STXBP6: variants seen among roughly 807,000 people sequenced by gnomAD.
The protein encoded by STXBP6 is syntaxin binding protein 6, also known as syntaxin-binding protein 6.
In STXBP6, 21 loss-of-function variants were observed where a neutral mutation model predicts 26.9. The observed-to-expected ratio is 0.78, with a 90% CI of 0.55 to 1.12. STXBP6 has a LOEUF of 1.12. STXBP6 is among the 50% of genes most tolerant of loss of function. The pLI is 0.00. For missense variants in STXBP6, 232 were observed against 257.9 expected (o/e 0.90, Z 0.69); for synonymous variants, 97 against 92.6 (o/e 1.05, Z -0.27).
chr14:24,850,630 C>T (rs1318487516), intron 4 of STXBP6, among the ~76,000 whole-genome samples: 3 of 152,122 alleles, frequency 2.0e-5, no homozygotes, highest in East Asian at 3.9e-4. Flanking sequence ...TCCAGCTCAG[C>T]CATCCCCTTA....
intron 2 of STXBP6, among the ~76,000 whole-genome samples, chr14:24,929,773 G>A (rs956017961): frequency 6.6e-6 from 1 of 152,202 alleles, no homozygotes; most frequent in East Asian, 1.9e-4. Context: ...CCTGGGCATC[G>A]CTCAATGAAC....
At chr14:24,848,095 T>C (rs12887071) in intron 4 of STXBP6, among the ~76,000 whole-genome samples, 27,614 of 152,196 alleles carry the variant, frequency 0.18, 3,142 homozygotes, top group Non-Finnish European at 0.27. Context: ...GAAAAGGCTT[T>C]TGATAAATAT....
chr14:24,882,590 C>A (rs1181692154), intron 2 of STXBP6, among the ~76,000 whole-genome samples: 1 of 151,926 alleles, frequency 6.6e-6, no homozygotes, highest in African/African-American at 2.4e-5. Context: ...CTGAACTGAC[C>A]TGTATTCACT....
chr14:24,816,186 G>A (rs2067969449), intron 5 of STXBP6: 1 of 152,192 alleles, frequency 6.6e-6, no homozygotes, highest in South Asian at 2.1e-4. Context: ...ACTCTGCCAT[G>A]TGTTCTGGCC....
intron 2 of STXBP6, among the ~76,000 whole-genome samples, chr14:24,879,250 T>C (rs928752768): frequency 2.0e-5 from 3 of 152,202 alleles, no homozygotes; most frequent in Admixed American, 6.5e-5. Flanking sequence ...CTATGGTCAT[T>C]TGTATCTCCT....
chr14:25,033,064 G>A (rs1003613255), intron 1 of STXBP6, among the ~76,000 whole-genome samples: 1 of 152,122 alleles, frequency 6.6e-6, no homozygotes, highest in African/African-American at 2.4e-5. Context: ...AAAGGTACAT[G>A]AGTGGCTATT....
intron 1 of STXBP6, 50 bp from the exon 2 acceptor site, chr14:24,974,900 G>GTT: frequency 8.2e-7 from 1 of 1,220,180 alleles, no homozygotes. Context: ...ACATTGTAAG[G>GTT]GTTCATACAA....
intron 2 of STXBP6, among the ~76,000 whole-genome samples, chr14:24,883,078 A>C (rs2070433599): frequency 6.6e-6 from 1 of 152,226 alleles, no homozygotes. Context: ...AACAACTATA[A>C]TGCTATAAAA....
At chr14:24,856,796 G>A (rs1266882789) in intron 3 of STXBP6, among the ~76,000 whole-genome samples, 1 of 151,578 alleles carries the variant, frequency 6.6e-6, no homozygotes, top group Non-Finnish European at 1.5e-5. Context: ...TGTTACCGGA[G>A]GTCACATTTT....
At chr14:24,952,923 G>A (rs2073220241) in intron 2 of STXBP6, among the ~76,000 whole-genome samples, 1 of 152,280 alleles carries the variant, frequency 6.6e-6, no homozygotes, top group African/African-American at 2.4e-5. Context: ...ATATATTCAT[G>A]AGCATATGCA....
chr14:24,899,154 T>C (rs1240629284), intron 2 of STXBP6, among the ~76,000 whole-genome samples: 1 of 152,204 alleles, frequency 6.6e-6, no homozygotes, highest in African/African-American at 2.4e-5. Context: ...CTAGGAATGG[T>C]GGACGAAACC....
At chr14:24,821,688 T>C (rs1477297032) in intron 4 of STXBP6, among the ~76,000 whole-genome samples, 1 of 152,054 alleles carries the variant, frequency 6.6e-6, no homozygotes, top group Admixed American at 6.6e-5. Context: ...TTCCAATCTC[T>C]CCCTCCACTC....
At position 24,811,504 on chromosome 14, in the gene STXBP6, AG is replaced by A. The variant is rs2067823166; in HGVS notation, c.*1204del. ...TAGGAAACAGAACTTCTAGACCCTAAGCCCCTTATTATCTTGAGTAATAGAA... is the reference window on the plus strand; with the variant it reads ...TAGGAAACAGAACTTCTAGACCCTAACCCCTTATTATCTTGAGTAATAGAA... On this transcript the variant is annotated 3_prime_UTR_variant, in exon 6 of 6. Transcript: ENST00000323944. The A allele has an allele frequency of 6.6e-6, 1 of 152,148 alleles. No individual in the cohort carries two copies. Among genetic ancestry groups the A allele is most frequent in the Non-Finnish European group, 1.5e-5 (1 of 68,036 alleles). 9.4% of individuals were successfully genotyped at this position (152,148 alleles called of 1,614,324 possible). A position where few individuals can be genotyped will look rare whatever the true frequency, so the allele number is the denominator to read the frequency against.
At chr14:24,891,632 C>T (rs971693750) in intron 2 of STXBP6, among the ~76,000 whole-genome samples, 1 of 152,028 alleles carries the variant, frequency 6.6e-6, no homozygotes, top group African/African-American at 2.4e-5. Context: ...TTCATTTTAC[C>T]CCACTAATAT....
chr14:25,032,109 A>G (rs2075468128), intron 1 of STXBP6, among the ~76,000 whole-genome samples: 1 of 152,178 alleles, frequency 6.6e-6, no homozygotes, highest in Admixed American at 6.5e-5. Context: ...AAACCTTAAT[A>G]AAGACAACAG....
chr14:25,027,092 A>C (rs1209316901), intron 1 of STXBP6, among the ~76,000 whole-genome samples: 3 of 152,260 alleles, frequency 2.0e-5, no homozygotes, highest in African/African-American at 7.2e-5. Context: ...ACGAAAATCA[A>C]GCTGTTGCAG....
chr14:24,816,405 A>G (rs2067976976), intron 5 of STXBP6: 1 of 152,052 alleles, frequency 6.6e-6, no homozygotes, highest in South Asian at 2.1e-4. Context: ...CACCTTATCT[A>G]AAGAGGTCAA....
At chr14:24,882,239 C>T (rs71407999) in intron 2 of STXBP6, among the ~76,000 whole-genome samples, 12 of 149,716 alleles carry the variant, frequency 8.0e-5, no homozygotes, top group Non-Finnish European at 1.5e-5. Flanking sequence ...ATTAGCCGGG[C>T]GTAGTGGCGG....
At chr14:24,849,019 G>C (rs1271686209) in intron 4 of STXBP6, among the ~76,000 whole-genome samples, 1 of 152,096 alleles carries the variant, frequency 6.6e-6, no homozygotes, top group African/African-American at 2.4e-5. Flanking sequence ...ACTTTGATGG[G>C]TCACATAGGA....
Sources: gnomAD v4.1 joint callset for allele counts (sites outside exome capture counted in the v4.1 genomes callset) on GRCh38, gnomAD v4.1.1 for gene constraint, MANE v1.5 for transcripts, NCBI Gene and HGNC (gene_info 2026-07-23, HGNC 2026-07-21) for gene names.